Variants in PDLIM1 observed in about 807,000 individuals in gnomAD.
PDLIM1 encodes the protein PDZ and LIM domain 1.
A neutral mutation model predicts 35.2 loss-of-function variants in PDLIM1; 25 were observed. The ratio of observed to expected loss-of-function variants is 0.71; its 90% CI spans 0.52 to 0.99. The LOEUF is 0.99. Ranked by LOEUF, PDLIM1 falls within the 50% of genes least tolerant of loss-of-function variation. The pLI is 0.00. For missense variants in PDLIM1, 363 were observed against 415.3 expected, an observed-to-expected ratio of 0.87 and a Z score of 1.09; for synonymous variants, 152 against 154.0, an observed-to-expected ratio of 0.99 and a Z score of 0.10.
chr10:95,246,400 G>A (rs965929315), intron 5 of PDLIM1, among the ~76,000 whole-genome samples: 21 of 152,168 alleles, frequency 1.4e-4, no homozygotes, highest in East Asian at 5.8e-4. Context: ...ATAAATGTAC[G>A]TTACATAATG....
chr10:95,273,454 T>C (rs1341921500), intron 1 of PDLIM1: 1 of 152,254 alleles, frequency 6.6e-6, no homozygotes, highest in African/African-American at 2.4e-5. Flanking sequence ...GCCGCTATTA[T>C]GGTGCATTCC....
At chr10:95,257,554 C>T (rs956186583) in intron 4 of PDLIM1, among the ~76,000 whole-genome samples, 2 of 152,056 alleles carry the variant, frequency 1.3e-5, no homozygotes, top group Non-Finnish European at 2.9e-5. Context: ...TGAAAAGATA[C>T]TCAACATCAC....
chr10:95,273,831 C>T (rs1036658053), intron 1 of PDLIM1, among the ~76,000 whole-genome samples: 1 of 152,212 alleles, frequency 6.6e-6, no homozygotes, highest in African/African-American at 2.4e-5. Flanking sequence ...GTTTTCTGAC[C>T]TGTTGTCCTG....
At chr10:95,282,337 A>G (rs1309576860) in intron 1 of PDLIM1, among the ~76,000 whole-genome samples, 1 of 152,226 alleles carries the variant, frequency 6.6e-6, no homozygotes, top group East Asian at 1.9e-4. Context: ...CAGCCATATT[A>G]TGGCTGCAGA....
intron 1 of PDLIM1, among the ~76,000 whole-genome samples, chr10:95,285,839 C>A (rs902084398): frequency 1.3e-5 from 2 of 152,154 alleles, no homozygotes; most frequent in African/African-American, 4.8e-5. Context: ...ATATTATGGT[C>A]TTAGAATGGT....
intron 4 of PDLIM1, chr10:95,247,709 T>A: frequency 5.6e-6 from 1 of 179,280 alleles, no homozygotes; most frequent in Non-Finnish European, 1.2e-5. Context: ...AAAAAAAATG[T>A]CAACCACAAG....
intron 5 of PDLIM1, among the ~76,000 whole-genome samples, chr10:95,242,428 G>A (rs1737291414): frequency 6.6e-6 from 1 of 152,028 alleles, no homozygotes. Context: ...GCTCATGCCT[G>A]TAATCCCCAG....
intron 4 of PDLIM1, among the ~76,000 whole-genome samples, chr10:95,248,366 G>T (rs537289130): frequency 6.6e-6 from 1 of 152,072 alleles, no homozygotes; most frequent in Non-Finnish European, 1.5e-5. Flanking sequence ...CTCCTGCCTC[G>T]GCCTCCTGAG....
rs1440640324 is a variant in PDLIM1, at chr10:95,257,038, G to GAAAGAAAGAAAGAAAGAAAGAAAGAAAT, written c.533+6825_533+6826insATTTCTTTCTTTCTTTCTTTCTTTCTTT. ...AGAAAGAAAGAAAGAAAGAAAGAAA[G>GAAAGAAAGAAAGAAAGAAAGAAAGAAAT]AATTCAAAATAGATTAAAGACCAAC... On this transcript the variant is annotated intron_variant, in intron 4 of 6. Transcript: ENST00000329399. Among the ~76,000 whole-genome samples, 182 of 129,776 alleles carry GAAAGAAAGAAAGAAAGAAAGAAAGAAAT rather than the reference G, an allele frequency of 1.4e-3. 3 individuals are homozygous for GAAAGAAAGAAAGAAAGAAAGAAAGAAAT. Among genetic ancestry groups the GAAAGAAAGAAAGAAAGAAAGAAAGAAAT allele is most frequent in the African/African-American group, 5.0e-3 (167 of 33,170 alleles). The allele number at this position is 129,776 out of a possible 152,430, so 85.1% of individuals were successfully genotyped here. A position where few individuals can be genotyped will look rare whatever the true frequency, so the allele number is the denominator to read the frequency against.
intron 1 of PDLIM1, among the ~76,000 whole-genome samples, chr10:95,279,904 G>A (rs1326675706): frequency 1.3e-5 from 2 of 152,160 alleles, no homozygotes; most frequent in Non-Finnish European, 2.9e-5. Flanking sequence ...TTATTTACCA[G>A]GCAACTTCCT....
At chr10:95,264,114 C>T in intron 3 of PDLIM1, 51 bp from the exon 4 acceptor site, 3 of 1,491,414 alleles carry the variant, frequency 2.0e-6, no homozygotes, top group South Asian at 1.1e-5. Flanking sequence ...AATGCAAACC[C>T]CTTGATGGGC....
At chr10:95,254,148 T>C (rs995850314) in intron 4 of PDLIM1, among the ~76,000 whole-genome samples, 1 of 152,152 alleles carries the variant, frequency 6.6e-6, no homozygotes, top group Non-Finnish European at 1.5e-5. Flanking sequence ...TTAATGTTCA[T>C]CATCTAAATA....
intron 5 of PDLIM1, among the ~76,000 whole-genome samples, chr10:95,241,292 G>A (rs1040558474): frequency 1.1e-4 from 16 of 152,156 alleles, no homozygotes; most frequent in Non-Finnish European, 1.5e-5. Context: ...GCTATGTTGT[G>A]TCTCAAAGTC....
rs377676948 is a variant in PDLIM1 at position 95,238,117 on chromosome 10, G to A, written c.804-6C>T. On this transcript the variant is annotated splice_region_variant and splice_polypyrimidine_tract_variant and intron_variant, in intron 6 of 6. Coordinates refer to ENST00000329399, the MANE Select transcript of PDLIM1 (RefSeq NM_020992.4). ...GCAGCTTCACAAACACACCACTACA[G>A]AAGCAAGGGAGGGAAGGGACTCCAT... The A allele has an allele frequency of 6.1e-5, 98 of 1,607,946 alleles. No homozygotes were observed. The highest frequency in any genetic ancestry group is 7.9e-5 in the Non-Finnish European group (93 of 1,175,098).
At chr10:95,239,981 T>TA (rs1395475717) in intron 5 of PDLIM1, among the ~76,000 whole-genome samples, 2 of 151,886 alleles carry the variant, frequency 1.3e-5, no homozygotes, top group Non-Finnish European at 2.9e-5. Flanking sequence ...TATTAAAAAG[T>TA]AAAAAAACAA....
intron 4 of PDLIM1, among the ~76,000 whole-genome samples, chr10:95,257,619 T>C (rs1269005717): frequency 1.3e-5 from 2 of 152,176 alleles, no homozygotes; most frequent in African/African-American, 2.4e-5. Flanking sequence ...CTCACATCTA[T>C]TAAGATGGCC....
intron 1 of PDLIM1, among the ~76,000 whole-genome samples, chr10:95,283,912 TTC>T (rs905879898): frequency 4.2e-4 from 64 of 152,290 alleles, no homozygotes; most frequent in African/African-American, 1.5e-3. Flanking sequence ...TGTAGATTAA[TTC>T]TGTCTAATTT....
chr10:95,265,522 G>A (rs947170865), intron 3 of PDLIM1, among the ~76,000 whole-genome samples: 1 of 147,092 alleles, frequency 6.8e-6, no homozygotes, highest in African/African-American at 2.5e-5. Flanking sequence ...TTGAACCCAG[G>A]AGGCAGAGGT....
chr10:95,274,323 C>T lies in PDLIM1; in HGVS notation c.97-2539G>A, dbSNP rs45450591. On this transcript the variant is annotated intron_variant, in intron 1 of 6. Coordinates refer to ENST00000329399, the MANE Select transcript of PDLIM1 (RefSeq NM_020992.4). ...TTTTTTTTTTTTTGAGACGGAGTTT[C>T]GCTCTTGTTGACCAGGTTGGTGTAC... Among the ~76,000 whole-genome samples the T allele has an allele frequency of 9.3e-3, 1,196 of 129,030 alleles. 20 individuals carry two copies. The highest frequency in any genetic ancestry group is 0.033 in the African/African-American group (1,140 of 34,598). 84.6% of individuals were successfully genotyped at this position (129,030 alleles called of 152,430 possible).
Sources: allele counts gnomAD v4.1 joint callset (sites outside exome capture counted in the v4.1 genomes callset), GRCh38; gene constraint gnomAD v4.1.1; transcripts MANE v1.5; gene names NCBI Gene and HGNC (gene_info 2026-07-23, HGNC 2026-07-21).